Variants in UTRN observed in about 807,000 individuals in gnomAD.
UTRN encodes dystrophin-related protein 1.
In UTRN, 283 loss-of-function variants were observed where a neutral mutation model predicts 463.9. The observed-to-expected ratio is 0.61, with a 90% CI of 0.55 to 0.67. The LOEUF is 0.67. Ranked by LOEUF, UTRN falls within the 30% of genes least tolerant of loss-of-function variation. The pLI is 0.00. For missense variants in UTRN, 3,922 were observed against 4,084.3 expected (o/e 0.96, Z 1.08); for synonymous variants, 1,442 against 1,431.5 (o/e 1.01, Z -0.17).
rs76830263 is a variant in UTRN, at chr6:144,779,603, G to A, written c.8633-2319G>A. On this transcript the variant is annotated intron_variant, in intron 60 of 74. Coordinates refer to ENST00000367545, the MANE Select transcript of UTRN (RefSeq NM_007124.3). ...GGGGGAGGAAGAAGAGGAGCAGTTG[G>A]TGTTGCTGTCTCAGGGGTAACAGAG... is the stretch of plus-strand genomic sequence containing the variant. 7.3e-3 allele frequency among the ~76,000 whole-genome samples: 1,107 copies of A among 152,272 alleles called. 6 individuals carry two copies. Among genetic ancestry groups the A allele is most frequent in the Middle Eastern group, 0.014 (4 of 294 alleles).
chr6:144,292,747 GT>G (rs1804358259), intron 2 of UTRN, among the ~76,000 whole-genome samples: 1 of 152,148 alleles, frequency 6.6e-6, no homozygotes, highest in Non-Finnish European at 1.5e-5. Context: ...ACTTTGAAAA[GT>G]TACTTTGAGG....
rs770217854 is a variant in UTRN at position 144,485,516 on chromosome 6, G to A, written c.3819G>A (p.Leu1273=). Residue 1273 remains leucine, a synonymous_variant, in exon 28 of 75, where the codon CTG becomes CTA. Coordinates refer to ENST00000367545, the MANE Select transcript of UTRN (RefSeq NM_007124.3). ...PEKTDAVNEA[L]ESLESVLRHP... is the part of the protein sequence containing the mutation. The stretch of plus-strand genomic sequence containing the variant: ...AGACGGATGCTGTCAACGAAGCCCT[G>A]GAGGTTGGAACCCGTGATCTCCACG... 5.6e-6 allele frequency: 9 copies of A among 1,612,592 alleles called. No homozygotes were observed. The African/African-American group carries it at 8.1e-5, about 14-fold the overall frequency.
chr6:144,710,855 C>G (rs969057794), intron 53 of UTRN, among the ~76,000 whole-genome samples: 2 of 152,206 alleles, frequency 1.3e-5, no homozygotes, highest in African/African-American at 4.8e-5. Flanking sequence ...CAATTACTAT[C>G]TAGATTAACC....
intron 54 of UTRN, among the ~76,000 whole-genome samples, chr6:144,739,837 A>G (rs1356789692): frequency 6.6e-6 from 1 of 152,158 alleles, no homozygotes; most frequent in Non-Finnish European, 1.5e-5. Flanking sequence ...CCCGAGTAAC[A>G]TGGGACTCAG....
At chr6:144,380,553 G>C (rs1377411703) in intron 2 of UTRN, among the ~76,000 whole-genome samples, 8 of 152,202 alleles carry the variant, frequency 5.3e-5, no homozygotes, top group Non-Finnish European at 1.2e-4. Context: ...GCTCATGCCT[G>C]CAATCCCAGC....
Position 144,514,701 on chromosome 6 carries a change from G to C in UTRN, c.5125G>C (p.Asp1709His), listed in dbSNP as rs573817723. 4 of 1,614,146 alleles carry C rather than the reference G, an allele frequency of 2.5e-6. No individual in the cohort carries two copies. Among genetic ancestry groups the C allele is most frequent in the Non-Finnish European group, 3.4e-6 (4 of 1,180,020 alleles). Residue 1709 changes from aspartate (D) to histidine (H), a missense_variant, in exon 37 of 75, where the codon GAT becomes CAT. Transcript: ENST00000367545. The part of the protein sequence containing the change: ...DANLQVENVR[D>H]QALILMNARG... The stretch of plus-strand genomic sequence containing the variant: ...CAACCTCCAGGTTGAAAATGTCCGC[G>C]ATCAAGCCCTTATTTTGATGAATGC...
At position 144,838,179 on chromosome 6, in the gene UTRN, G is replaced by C. The variant is rs538047372; in HGVS notation, c.10066-994G>C. Among the ~76,000 whole-genome samples the C allele has an allele frequency of 3.3e-5, 5 of 152,232 alleles. No individual in the cohort carries two copies. The South Asian group carries it at 6.2e-4, about 19-fold the overall frequency. ...GTTGATGCCCACAGGAGAGCAAAAG[G>C]CTTTTCTGTTCACCCTTGCCTTCCC... On this transcript the variant is annotated intron_variant, in intron 71 of 74. Coordinates refer to ENST00000367545, the MANE Select transcript of UTRN (RefSeq NM_007124.3).
chr6:144,610,793 T>C (rs1185162156), intron 51 of UTRN, among the ~76,000 whole-genome samples: 1 of 152,176 alleles, frequency 6.6e-6, no homozygotes, highest in Non-Finnish European at 1.5e-5. Context: ...GAGAATCTCT[T>C]GAACCTTGGA....
intron 66 of UTRN, among the ~76,000 whole-genome samples, chr6:144,822,038 A>G (rs1401986448): frequency 6.6e-6 from 1 of 152,154 alleles, no homozygotes; most frequent in Non-Finnish European, 1.5e-5. Flanking sequence ...AAAAATGTCA[A>G]GTGCAATTTT....
intron 51 of UTRN, among the ~76,000 whole-genome samples, chr6:144,643,115 C>T (rs940846851): frequency 3.9e-5 from 6 of 151,966 alleles, no homozygotes; most frequent in Non-Finnish European, 7.4e-5. Context: ...CCTGGAAAAC[C>T]TACCGGTGCA....
chr6:144,493,518 T>C (rs540339636), intron 33 of UTRN, 62 bp downstream of exon 33: 2 of 1,523,840 alleles, frequency 1.3e-6, no homozygotes, highest in Non-Finnish European at 1.8e-6. Flanking sequence ...TCAATCTCTC[T>C]CTCTCTCTCG....
intron 39 of UTRN, among the ~76,000 whole-genome samples, chr6:144,519,638 A>T (rs1795910457): frequency 6.6e-6 from 1 of 152,272 alleles, no homozygotes; most frequent in East Asian, 1.9e-4. Flanking sequence ...GGGGGAAAAA[A>T]ATCTATTTTG....
intron 1 of UTRN, among the ~76,000 whole-genome samples, chr6:144,288,024 T>G (rs973135170): frequency 1.3e-5 from 2 of 152,244 alleles, no homozygotes; most frequent in African/African-American, 4.8e-5. Flanking sequence ...TTTGATTCTG[T>G]CTCCTGAGAA....
At chr6:144,579,136 A>G (rs925914232) in intron 51 of UTRN, among the ~76,000 whole-genome samples, 1 of 152,186 alleles carries the variant, frequency 6.6e-6, no homozygotes, top group Non-Finnish European at 1.5e-5. Flanking sequence ...TCATTGCGCA[A>G]TACATTTTGT....
intron 10 of UTRN, among the ~76,000 whole-genome samples, chr6:144,436,836 T>G (rs1786596288): frequency 6.9e-6 from 1 of 144,576 alleles, no homozygotes; most frequent in African/African-American, 2.5e-5. Flanking sequence ...ATATTTTATT[T>G]TATATATAAA....
intron 34 of UTRN, among the ~76,000 whole-genome samples, chr6:144,502,569 T>A (rs1416171060): frequency 6.6e-6 from 1 of 152,174 alleles, no homozygotes; most frequent in Non-Finnish European, 1.5e-5. Context: ...TTCATCCGGG[T>A]CCCTGCAAAG....
chr6:144,653,129 C>T (rs1378381655), intron 51 of UTRN, among the ~76,000 whole-genome samples: 4 of 152,130 alleles, frequency 2.6e-5, no homozygotes, highest in Non-Finnish European at 5.9e-5. Context: ...TCCCTCCCTT[C>T]CAGGTCGCCA....
chr6:144,645,219 T>C (rs1778169071), intron 51 of UTRN, among the ~76,000 whole-genome samples: 1 of 152,192 alleles, frequency 6.6e-6, no homozygotes, highest in African/African-American at 2.4e-5. Context: ...AGGGATTAAA[T>C]TGGATTCTAT....
intron 2 of UTRN, among the ~76,000 whole-genome samples, chr6:144,293,341 G>A (rs1028166261): frequency 5.9e-5 from 9 of 152,024 alleles, no homozygotes; most frequent in South Asian, 2.1e-4. Flanking sequence ...TACTTTAGCC[G>A]TGTCCATAAA....
Sources: allele counts gnomAD v4.1 joint callset (sites outside exome capture counted in the v4.1 genomes callset), GRCh38; gene constraint gnomAD v4.1.1; transcripts MANE v1.5; gene names NCBI Gene and HGNC (gene_info 2026-07-23, HGNC 2026-07-21).